Variants in FSTL4 observed in about 807,000 individuals in gnomAD.
The protein encoded by FSTL4 is follistatin-related protein 4.
Under a neutral mutation model 78.2 loss-of-function variants are expected in FSTL4, and 28 were observed. The ratio of observed to expected loss-of-function variants is 0.36; its 90% CI spans 0.27 to 0.49. The LOEUF is 0.49. Among genes scored for constraint, FSTL4 ranks in the 20% least tolerant of loss-of-function variants. The pLI, the probability that FSTL4 is intolerant of heterozygous loss-of-function variation, is 0.98. For synonymous variants in FSTL4, 422 were observed against 440.5 expected (o/e 0.96, Z 0.53); for missense variants, 922 against 1,084.9 (o/e 0.85, Z 2.11).
chr5:133,315,992 G>A (rs1408430292), intron 5 of FSTL4, among the ~76,000 whole-genome samples: 1 of 152,198 alleles, frequency 6.6e-6, no homozygotes, highest in African/African-American at 2.4e-5. Context: ...ATGAGAGCAG[G>A]GCTTGGTGGG....
intron 3 of FSTL4, among the ~76,000 whole-genome samples, chr5:133,503,357 C>T (rs758892610): frequency 1.1e-4 from 16 of 152,118 alleles, no homozygotes; most frequent in Non-Finnish European, 2.9e-5. Context: ...GTGATTGCTC[C>T]TAACATGGCC....
chr5:133,752,613 T>C, the FSTL4 span, among the ~76,000 whole-genome samples: 1 of 151,448 alleles, frequency 6.6e-6, no homozygotes, highest in African/African-American at 2.4e-5. Context: ...CTGTCTCAAA[T>C]AAAATAAAAT....
chr5:133,617,755 T>G, the FSTL4 span, among the ~76,000 whole-genome samples: 1 of 152,128 alleles, frequency 6.6e-6, no homozygotes, highest in Non-Finnish European at 1.5e-5. Flanking sequence ...CTGATAGAAG[T>G]AACTGGAAGT....
the FSTL4 span, among the ~76,000 whole-genome samples, chr5:133,636,357 AG>A: frequency 1.3e-5 from 2 of 152,222 alleles, no homozygotes; most frequent in Non-Finnish European, 2.9e-5. Flanking sequence ...GTTGTGTTTT[AG>A]GACTCAGCGA....
intron 2 of FSTL4, among the ~76,000 whole-genome samples, chr5:133,567,524 C>G (rs540159788): frequency 6.6e-6 from 1 of 152,320 alleles, no homozygotes; most frequent in East Asian, 1.9e-4. Context: ...AAGGAAGACC[C>G]TCTTCCAGGT....
At chr5:133,384,279 C>T (rs1160664596) in intron 4 of FSTL4, among the ~76,000 whole-genome samples, 2 of 152,182 alleles carry the variant, frequency 1.3e-5, no homozygotes, top group Admixed American at 6.5e-5. Context: ...ACTCTGACTT[C>T]GGCATCCAAG....
upstream of FSTL4, among the ~76,000 whole-genome samples, chr5:133,615,888 G>A: frequency 6.6e-6 from 1 of 152,162 alleles, no homozygotes; most frequent in East Asian, 1.9e-4. Flanking sequence ...TAATGAAGAA[G>A]TTGGGATAAA....
the FSTL4 span, among the ~76,000 whole-genome samples, chr5:133,666,819 T>C: frequency 6.6e-6 from 1 of 152,368 alleles, no homozygotes; most frequent in Middle Eastern, 3.4e-3. Context: ...GTTGTTCCCA[T>C]GTTGAAAAAG....
chr5:133,623,666 C>G, the FSTL4 span, among the ~76,000 whole-genome samples: 2 of 152,058 alleles, frequency 1.3e-5, no homozygotes, highest in South Asian at 4.2e-4. Context: ...AATTTAAAAA[C>G]TTTTGTGTAT....
At chr5:133,602,480 G>C (rs1434606642) in intron 2 of FSTL4, among the ~76,000 whole-genome samples, 1 of 152,212 alleles carries the variant, frequency 6.6e-6, no homozygotes, top group Non-Finnish European at 1.5e-5. Context: ...GGGCCGATGA[G>C]CCCCAATAGT....
chr5:133,301,988 C>T (rs150512970), intron 6 of FSTL4, among the ~76,000 whole-genome samples: 39 of 152,158 alleles, frequency 2.6e-4, no homozygotes, highest in African/African-American at 7.7e-4. Context: ...TTGGATTCAC[C>T]GGGAAGTCTG....
intron 3 of FSTL4, among the ~76,000 whole-genome samples, chr5:133,558,323 T>C (rs943855600): frequency 2.4e-4 from 36 of 152,278 alleles, no homozygotes; most frequent in African/African-American, 8.4e-4. Flanking sequence ...GAGGCACTGA[T>C]GAGGTGAGAG....
the FSTL4 span, among the ~76,000 whole-genome samples, chr5:133,740,894 C>T: frequency 5.3e-5 from 8 of 151,962 alleles, no homozygotes; most frequent in Non-Finnish European, 7.4e-5. Flanking sequence ...GAATCTGAAT[C>T]CTAATCTTTC....
the FSTL4 span, among the ~76,000 whole-genome samples, chr5:133,766,178 C>G: frequency 6.6e-6 from 1 of 152,080 alleles, no homozygotes; most frequent in Non-Finnish European, 1.5e-5. Flanking sequence ...CAAGTTCAAC[C>G]CATGGTCTGT....
intron 3 of FSTL4, among the ~76,000 whole-genome samples, chr5:133,526,278 G>T (rs370940462): frequency 2.0e-5 from 3 of 152,142 alleles, no homozygotes; most frequent in African/African-American, 7.2e-5. Context: ...AACCAAGGGG[G>T]TAGCCTCATT....
the FSTL4 span, among the ~76,000 whole-genome samples, chr5:133,765,273 T>C: frequency 6.6e-6 from 1 of 152,198 alleles, no homozygotes; most frequent in Non-Finnish European, 1.5e-5. Flanking sequence ...TATCTGTGCA[T>C]CCAGGAAGAG....
Position 133,307,897 on chromosome 5 carries a change from C to T in FSTL4, c.727+4757G>A, listed in dbSNP as rs1753691470. ...CTGGGTTCACGCCATTCTCCTGCCT[C>T]AGCCTCCCAAGTAGCTGAGACTACA... On this transcript the variant is annotated intron_variant, in intron 6 of 15. Coordinates refer to ENST00000265342, the MANE Select transcript of FSTL4 (RefSeq NM_015082.2). 2.6e-5 allele frequency among the ~76,000 whole-genome samples: 4 copies of T among 152,018 alleles called. No homozygotes were observed. In the South Asian group the frequency reaches 6.2e-4, roughly 24 times the overall value.
At chr5:133,321,980 G>C (rs991409835) in intron 4 of FSTL4, among the ~76,000 whole-genome samples, 1 of 152,200 alleles carries the variant, frequency 6.6e-6, no homozygotes, top group Non-Finnish European at 1.5e-5. Flanking sequence ...AGTCTTGCTG[G>C]TTTCCAGGTA....
chr5:133,658,067 T>C, the FSTL4 span, among the ~76,000 whole-genome samples: 1 of 152,166 alleles, frequency 6.6e-6, no homozygotes, highest in Admixed American at 6.5e-5. Context: ...GATTTTTCTT[T>C]TATTCCATTA....
Sources: allele counts gnomAD v4.1 joint callset (sites outside exome capture counted in the v4.1 genomes callset), GRCh38; gene constraint gnomAD v4.1.1; transcripts MANE v1.5; gene names NCBI Gene and HGNC (gene_info 2026-07-23, HGNC 2026-07-21).